The following MTMR12 variants were observed in gnomAD, a reference collection of about 807,000 sequenced individuals.
MTMR12 encodes myotubularin-related protein 12.
MTMR12 carries 33 observed loss-of-function variants against 96.7 expected under a neutral mutation model. That is an observed-to-expected ratio of 0.34 (90% CI 0.26 to 0.46). The LOEUF is 0.46. Among genes scored for constraint, MTMR12 ranks in the 20% least tolerant of loss-of-function variants. The pLI is 1.00. For missense variants in MTMR12, 721 were observed against 896.1 expected, an observed-to-expected ratio of 0.80 and a Z score of 2.49; for synonymous variants, 298 against 327.2, an observed-to-expected ratio of 0.91 and a Z score of 0.96.
At chr5:32,271,051 G>T in intron 4 of MTMR12, 104 bp from the exon 5 acceptor site, 1 of 1,315,602 alleles carries the variant, frequency 7.6e-7, no homozygotes, top group Non-Finnish European at 1.0e-6. Flanking sequence ...TACTTCCCAA[G>T]AATGAGAGGA....
At chr5:32,295,632 AAT>A (rs1037345647) in intron 1 of MTMR12, among the ~76,000 whole-genome samples, 120 of 152,352 alleles carry the variant, frequency 7.9e-4, no homozygotes, top group African/African-American at 2.8e-3. Flanking sequence ...AACACATAAA[AAT>A]ATGTCATAGG....
intron 1 of MTMR12, among the ~76,000 whole-genome samples, chr5:32,278,432 G>C (rs1359410281): frequency 6.6e-6 from 1 of 151,678 alleles, no homozygotes; most frequent in Non-Finnish European, 1.5e-5. Flanking sequence ...TTCTGAATTT[G>C]TTAATTCAGA....
intron 10 of MTMR12, among the ~76,000 whole-genome samples, chr5:32,247,243 G>A (rs1483559858): frequency 2.0e-5 from 3 of 152,144 alleles, no homozygotes; most frequent in African/African-American, 7.2e-5. Flanking sequence ...CCAGCTACTT[G>A]GGAGGCAGAG....
At chr5:32,239,250 GCA>G (rs761751432) in intron 12 of MTMR12, 77 bp from the exon 13 acceptor site, 100 of 1,395,468 alleles carry the variant, frequency 7.2e-5, no homozygotes, top group Non-Finnish European at 9.3e-5. Context: ...GCTCTCACTT[GCA>G]CAGTTAAAAG....
At chr5:32,244,039 C>T (rs1748579622) in intron 10 of MTMR12, among the ~76,000 whole-genome samples, 1 of 152,166 alleles carries the variant, frequency 6.6e-6, no homozygotes, top group Admixed American at 6.6e-5. Context: ...TTCGTCCACC[C>T]AGCATACCAT....
chr5:32,288,378 C>A (rs748074821), intron 1 of MTMR12, among the ~76,000 whole-genome samples: 17 of 152,172 alleles, frequency 1.1e-4, no homozygotes, highest in Non-Finnish European at 1.6e-4. Context: ...TGAGGCAACA[C>A]TGATGGCCTC....
rs1166934829 is a variant in MTMR12 at position 32,256,148 on chromosome 5, AG to A, written c.714-381del. Among the ~76,000 whole-genome samples the A allele has an allele frequency of 3.3e-5, 5 of 152,296 alleles. No individual in the cohort carries two copies. In the East Asian group the frequency reaches 9.6e-4, roughly 29 times the overall value. ...CCATATAAGCACCTGTGTTGTTTTC[AG>A]TTAAACTAATAGGAAAAACAGTAAT... On this transcript the variant is annotated intron_variant, in intron 7 of 15. Coordinates refer to ENST00000382142, the MANE Select transcript of MTMR12 (RefSeq NM_001040446.3).
chr5:32,248,925 A>C, intron 8 of MTMR12, 47 bp from the exon 9 acceptor site: 1 of 1,396,252 alleles, frequency 7.2e-7, no homozygotes, highest in Non-Finnish European at 1.0e-6. Flanking sequence ...ACACAACCCA[A>C]CAGGGGACAC....
At chr5:32,295,897 T>C (rs2112141968) in intron 1 of MTMR12, among the ~76,000 whole-genome samples, 1 of 152,166 alleles carries the variant, frequency 6.6e-6, no homozygotes, top group East Asian at 1.9e-4. Context: ...CTCATTCCTG[T>C]AATCCCAGCA....
At chr5:32,283,509 C>T (rs1440339478) in intron 1 of MTMR12, among the ~76,000 whole-genome samples, 1 of 152,068 alleles carries the variant, frequency 6.6e-6, no homozygotes, top group African/African-American at 2.4e-5. Context: ...ATGAAGACAC[C>T]CTGCTAGTAT....
At chr5:32,294,469 A>T (rs1463664900) in intron 1 of MTMR12, among the ~76,000 whole-genome samples, 1 of 146,812 alleles carries the variant, frequency 6.8e-6, no homozygotes, top group African/African-American at 2.5e-5. Context: ...CATCTGGTTA[A>T]TTTTTTTTTT....
In MTMR12 at chr5:32,230,308, A is replaced by G. The variant is rs769517205; in HGVS notation, c.1714T>C (p.Ser572Pro). The G allele has an allele frequency of 6.2e-7, 1 of 1,609,834 alleles. No individual in the cohort carries two copies. The highest frequency in any genetic ancestry group is 8.5e-7 in the Non-Finnish European group (1 of 1,178,974). Reference protein sequence around the residue: ...QLSLPLTQSKSSPKRGFFREE... With the variant: ...QLSLPLTQSKPSPKRGFFREE... ...CTGAAAAATCCTCTTTTGGGAGATG[A>G]CTTAGATTGTGTAAGTGGCAAAGAA... is the stretch of plus-strand genomic sequence containing the variant. Residue 572 changes from serine (S) to proline (P), a missense_variant, in exon 16 of 16, where the codon TCA becomes CCA. Coordinates refer to ENST00000382142, the MANE Select transcript of MTMR12 (RefSeq NM_001040446.3).
intron 1 of MTMR12, among the ~76,000 whole-genome samples, chr5:32,294,405 AG>A (rs1045775057): frequency 1.3e-5 from 2 of 151,962 alleles, no homozygotes; most frequent in African/African-American, 4.8e-5. Context: ...CAGGTTCAAA[AG>A]AGTCTCATTC....
intron 8 of MTMR12, among the ~76,000 whole-genome samples, chr5:32,254,589 T>TCACACCTGTAAG: frequency 1.7e-5 from 1 of 59,200 alleles, no homozygotes; most frequent in East Asian, 7.6e-4. Flanking sequence ...GCATGGTGGC[T>TCACACCTGTAAG]CTCAACACTT....
At chr5:32,292,146 A>ATT (rs1215441086) in intron 1 of MTMR12, among the ~76,000 whole-genome samples, 9 of 152,230 alleles carry the variant, frequency 5.9e-5, no homozygotes, top group Non-Finnish European at 1.2e-4. Context: ...ATGGTGTAAT[A>ATT]GCCTTTTGAA....
At chr5:32,242,229 CTCTTA>C (rs1481511416) in intron 11 of MTMR12, 102 bp from the exon 12 acceptor site, 4 of 698,168 alleles carry the variant, frequency 5.7e-6, no homozygotes, top group Non-Finnish European at 9.0e-6. Context: ...TCAGTCTTCT[CTCTTA>C]TTTTTTTTTT....
At chr5:32,298,569 C>T (rs1751009728) in intron 1 of MTMR12, among the ~76,000 whole-genome samples, 1 of 152,128 alleles carries the variant, frequency 6.6e-6, no homozygotes, top group African/African-American at 2.4e-5. Context: ...TCCAGGTAGA[C>T]TGTAAAGGTA....
chr5:32,231,036 C>G (rs889297796), intron 15 of MTMR12, among the ~76,000 whole-genome samples: 2 of 152,104 alleles, frequency 1.3e-5, no homozygotes, highest in African/African-American at 4.8e-5. Context: ...TTTCATATTT[C>G]CCCCCTTGGT....
At chr5:32,251,555 T>C (rs1240306651) in intron 8 of MTMR12, among the ~76,000 whole-genome samples, 1 of 151,756 alleles carries the variant, frequency 6.6e-6, no homozygotes, top group Non-Finnish European at 1.5e-5. Flanking sequence ...GTGTGGGGAG[T>C]AGAAGTCATG....
Sources: allele counts gnomAD v4.1 joint callset (sites outside exome capture counted in the v4.1 genomes callset), GRCh38; gene constraint gnomAD v4.1.1; transcripts MANE v1.5; gene names NCBI Gene and HGNC (gene_info 2026-07-23, HGNC 2026-07-21).